SLC24A2: variants seen among roughly 807,000 people sequenced by gnomAD.
The protein encoded by SLC24A2 is sodium/potassium/calcium exchanger 2.
Under a neutral mutation model 62.0 loss-of-function variants are expected in SLC24A2, and 36 were observed. The ratio of observed to expected loss-of-function variants is 0.58; its 90% CI spans 0.44 to 0.77. The LOEUF is 0.77. Among genes scored for constraint, SLC24A2 ranks in the 30% least tolerant of loss-of-function variants. SLC24A2 has a pLI of 0.00. For synonymous variants in SLC24A2, 358 were observed against 294.0 expected, an observed-to-expected ratio of 1.22 and a Z score of -2.23; for missense variants, 846 against 817.9, an observed-to-expected ratio of 1.03 and a Z score of -0.42.
chr9:19,986,242 T>C, the SLC24A2 span, among the ~76,000 whole-genome samples: 1,822 of 152,220 alleles, frequency 0.012, 41 homozygotes, highest in African/African-American at 0.04. Context: ...TCACACCCAC[T>C]AGGCTAGCTA....
intron 2 of SLC24A2, among the ~76,000 whole-genome samples, chr9:19,688,629 T>C (rs1277524287): frequency 1.3e-5 from 2 of 152,182 alleles, no homozygotes; most frequent in Admixed American, 6.6e-5. Context: ...TTTGTTTTTA[T>C]CTTCATTTTA....
At chr9:19,912,099 C>A in the SLC24A2 span, among the ~76,000 whole-genome samples, 3 of 152,074 alleles carry the variant, frequency 2.0e-5, no homozygotes, top group Non-Finnish European at 4.4e-5. Context: ...AATGGAGTGT[C>A]GTGGAGGTAT....
the SLC24A2 span, among the ~76,000 whole-genome samples, chr9:20,019,111 A>AGAGAGAGAGAG: frequency 8.1e-5 from 2 of 24,704 alleles, no homozygotes; most frequent in Non-Finnish European, 1.3e-4. Flanking sequence ...GATAGAAAGA[A>AGAGAGAGAGAG]AGAAAGAAAG....
the SLC24A2 span, among the ~76,000 whole-genome samples, chr9:19,961,076 A>G: frequency 6.7e-6 from 1 of 149,234 alleles, no homozygotes; most frequent in African/African-American, 2.5e-5. Flanking sequence ...AGAAAGAGAG[A>G]AGAAAGGAGA....
chr9:20,067,576 C>T, the SLC24A2 span, among the ~76,000 whole-genome samples: 2 of 152,046 alleles, frequency 1.3e-5, no homozygotes, highest in African/African-American at 4.8e-5. Flanking sequence ...CTATTGTTCC[C>T]ATGTTTGTGT....
the SLC24A2 span, among the ~76,000 whole-genome samples, chr9:20,069,383 T>C: frequency 1.3e-5 from 2 of 152,246 alleles, no homozygotes; most frequent in Non-Finnish European, 2.9e-5. Context: ...ACTTATAAGA[T>C]AATACCATAT....
the SLC24A2 span, among the ~76,000 whole-genome samples, chr9:19,823,873 C>T: frequency 2.6e-5 from 4 of 152,270 alleles, no homozygotes; most frequent in South Asian, 8.3e-4. Flanking sequence ...CACCACACAT[C>T]TACAACCATC....
the SLC24A2 span, among the ~76,000 whole-genome samples, chr9:20,092,893 G>T: frequency 6.6e-6 from 1 of 152,128 alleles, no homozygotes; most frequent in African/African-American, 2.4e-5. Context: ...TAGAATGATG[G>T]TTGCCAGGGA....
chr9:19,959,429 A>G, the SLC24A2 span, among the ~76,000 whole-genome samples: 1 of 152,186 alleles, frequency 6.6e-6, no homozygotes, highest in Non-Finnish European at 1.5e-5. Context: ...CTTGTCTACA[A>G]TCATAAAATA....
the SLC24A2 span, among the ~76,000 whole-genome samples, chr9:19,896,763 T>C: frequency 6.6e-6 from 1 of 152,196 alleles, no homozygotes; most frequent in Non-Finnish European, 1.5e-5. Context: ...TTACAGGTGT[T>C]ACTTAGCTTT....
chr9:19,897,117 G>A, the SLC24A2 span, among the ~76,000 whole-genome samples: 37 of 152,232 alleles, frequency 2.4e-4, no homozygotes, highest in Admixed American at 2.0e-3. Flanking sequence ...GAGTCCAGTC[G>A]TCATTGGGAC....
At chr9:20,255,920 G>C in the SLC24A2 span, among the ~76,000 whole-genome samples, 2 of 152,170 alleles carry the variant, frequency 1.3e-5, no homozygotes, top group Non-Finnish European at 2.9e-5. Flanking sequence ...GAATACTACA[G>C]ACCAGGTAAC....
In SLC24A2 at chr9:19,788,566, C is replaced by A. The variant is rs899037374; in HGVS notation, c.-154+319G>T. ...TGGAGCTGGGTTGCATTTGGTGAGGCGCTTGGCCCGCATCCCCCTGAGTCG... is the reference window on the plus strand; with the variant it reads ...TGGAGCTGGGTTGCATTTGGTGAGGAGCTTGGCCCGCATCCCCCTGAGTCG... On this transcript the variant is annotated intron_variant, in intron 1 of 10. Coordinates refer to ENST00000341998, the MANE Select transcript of SLC24A2 (RefSeq NM_020344.4). 38 of 985,334 alleles carry A rather than the reference C, an allele frequency of 3.9e-5. No homozygotes were observed. The African/African-American group carries it at 6.1e-4, about 16-fold the overall frequency. The allele number at this position is 985,334 out of a possible 1,614,324, so 61.0% of individuals were successfully genotyped here. A position where few individuals can be genotyped will look rare whatever the true frequency, so the allele number is the denominator to read the frequency against.
chr9:19,669,466 A>C (rs1419106535), intron 2 of SLC24A2, among the ~76,000 whole-genome samples: 1 of 152,232 alleles, frequency 6.6e-6, no homozygotes, highest in Non-Finnish European at 1.5e-5. Flanking sequence ...CTACCACAAT[A>C]AATAACCACA....
At chr9:20,213,932 A>G in the SLC24A2 span, among the ~76,000 whole-genome samples, 1 of 152,342 alleles carries the variant, frequency 6.6e-6, no homozygotes, top group East Asian at 1.9e-4. Context: ...TTCCCTTATT[A>G]CATGCCCATG....
chr9:20,167,636 G>T, the SLC24A2 span, among the ~76,000 whole-genome samples: 1 of 152,114 alleles, frequency 6.6e-6, no homozygotes, highest in African/African-American at 2.4e-5. Context: ...CACTGCTAAA[G>T]CAGGCAAGGT....
the SLC24A2 span, among the ~76,000 whole-genome samples, chr9:20,213,399 ATTAAGT>A: frequency 6.6e-6 from 1 of 152,018 alleles, no homozygotes; most frequent in African/African-American, 2.4e-5. Flanking sequence ...TATAATAAAC[ATTAAGT>A]TTAAGAAGCC....
chr9:20,212,402 G>C, the SLC24A2 span, among the ~76,000 whole-genome samples: 2 of 151,908 alleles, frequency 1.3e-5, no homozygotes, highest in East Asian at 1.9e-4. Context: ...TGTAATCCCA[G>C]CACTTTGGGA....
the SLC24A2 span, among the ~76,000 whole-genome samples, chr9:20,267,806 A>C: frequency 6.6e-6 from 1 of 152,242 alleles, no homozygotes; most frequent in Non-Finnish European, 1.5e-5. Flanking sequence ...GTATCTATAA[A>C]GGGCCTGGTT....
Sources: allele counts gnomAD v4.1 joint callset (sites outside exome capture counted in the v4.1 genomes callset), GRCh38; gene constraint gnomAD v4.1.1; transcripts MANE v1.5; gene names NCBI Gene and HGNC (gene_info 2026-07-23, HGNC 2026-07-21).